Variants in VAT1L observed in about 807,000 individuals in gnomAD.
VAT1L encodes putative NADPH-dependent quinone oxidoreductase VAT1L.
In VAT1L, 34 loss-of-function variants were observed where a neutral mutation model predicts 44.1. The observed-to-expected ratio is 0.77, with a 90% CI of 0.59 to 1.03. The LOEUF is 1.03. VAT1L is among the 50% of genes least tolerant of loss of function. The probability of loss-of-function intolerance (pLI) is 0.00; values close to 1 mark genes in which losing one functional copy is unlikely to be tolerated. For synonymous variants in VAT1L, 253 were observed against 202.2 expected, an observed-to-expected ratio of 1.25 and a Z score of -2.13; for missense variants, 615 against 538.8, an observed-to-expected ratio of 1.14 and a Z score of -1.40.
intron 8 of VAT1L, among the ~76,000 whole-genome samples, chr16:77,972,980 C>T (rs380195): frequency 0.091 from 13,770 of 151,862 alleles, 708 homozygotes; most frequent in African/African-American, 0.11. Context: ...GCTACCACAC[C>T]CAGCTGTGAT....
chr16:77,978,319 A>G lies in VAT1L; in HGVS notation c.*624A>G, dbSNP rs405764. 0.17 allele frequency: 26,309 copies of G among 152,344 alleles called. 2,486 individuals are homozygous for G. The highest frequency in any genetic ancestry group is 0.2 in the Middle Eastern group (58 of 294). 9.4% of individuals were successfully genotyped at this position (152,344 alleles called of 1,614,324 possible). A position where few individuals can be genotyped will look rare whatever the true frequency, so the allele number is the denominator to read the frequency against. ...GACCCTTTCACTGGCTCTTATCTGT[A>G]AACACAGGGAGGCAGGTATGGATTT... On this transcript the variant is annotated 3_prime_UTR_variant, in exon 9 of 9. Transcript: ENST00000302536.
intron 7 of VAT1L, among the ~76,000 whole-genome samples, chr16:77,909,572 G>T (rs1469158825): frequency 6.7e-6 from 1 of 150,014 alleles, no homozygotes; most frequent in African/African-American, 2.5e-5. Flanking sequence ...AAGAGGCAGA[G>T]GTTGCAGTGA....
rs547000594 is a variant in VAT1L at position 77,902,240 on chromosome 16, G to C, written c.1077+17438G>C. 6.6e-5 allele frequency among the ~76,000 whole-genome samples: 10 copies of C among 152,326 alleles called. No individual in the cohort carries two copies. The East Asian group carries it at 1.7e-3, about 26-fold the overall frequency. ...TAGCCAAAAAGGAGCAGAAGGCCAT[G>C]GATGGAATAAGAAATGCATGGTAAT... is the stretch of plus-strand genomic sequence containing the variant. On this transcript the variant is annotated intron_variant, in intron 7 of 8. Transcript: ENST00000302536.
intron 3 of VAT1L, among the ~76,000 whole-genome samples, chr16:77,844,759 AG>A (rs1361535107): frequency 1.3e-5 from 2 of 152,188 alleles, no homozygotes; most frequent in Non-Finnish European, 2.9e-5. Context: ...GTATCTACAG[AG>A]GGCTCCTGGA....
intron 7 of VAT1L, among the ~76,000 whole-genome samples, chr16:77,947,231 G>A (rs10454707): frequency 2.6e-5 from 4 of 151,954 alleles, no homozygotes; most frequent in Admixed American, 2.0e-4. Context: ...AAGACCATCT[G>A]CTTCTAGTGC....
chr16:77,833,738 A>G (rs1179889019), intron 3 of VAT1L, among the ~76,000 whole-genome samples: 1 of 151,758 alleles, frequency 6.6e-6, no homozygotes, highest in Non-Finnish European at 1.5e-5. Context: ...TGACAAAGTG[A>G]GACTCTGTCT....
At chr16:77,821,977 C>G (rs2016460223) in intron 2 of VAT1L, among the ~76,000 whole-genome samples, 1 of 152,296 alleles carries the variant, frequency 6.6e-6, no homozygotes, top group South Asian at 2.1e-4. Flanking sequence ...CATGCACTTT[C>G]TCGTGTTTCC....
Position 77,979,537 on chromosome 16 carries a change from C to T in VAT1L, c.*1842C>T, listed in dbSNP as rs1303309337. The T allele has an allele frequency of 6.6e-6, 1 of 152,132 alleles. No homozygotes were observed. The highest frequency in any genetic ancestry group is 1.5e-5 in the Non-Finnish European group (1 of 68,020). The allele number at this position is 152,132 out of a possible 1,614,324, so 9.4% of individuals were successfully genotyped here. A position where few individuals can be genotyped will look rare whatever the true frequency, so the allele number is the denominator to read the frequency against. On this transcript the variant is annotated 3_prime_UTR_variant, in exon 9 of 9. Coordinates refer to ENST00000302536, the MANE Select transcript of VAT1L (RefSeq NM_020927.3). ...TTCCTAGTAAGTTGGGTAGAAATGA[C>T]ATTTTCCAGAGCTGAAGGAGTGAAG...
rs17773955 is a variant in VAT1L at position 77,796,258 on chromosome 16, C to G, written c.233+7343C>G. Among the ~76,000 whole-genome samples the G allele has an allele frequency of 5.9e-3, 899 of 152,252 alleles. 31 individuals carry two copies. Among genetic ancestry groups the G allele is most frequent in the East Asian group, 0.041 (214 of 5,182 alleles). On this transcript the variant is annotated intron_variant, in intron 1 of 8. Transcript: ENST00000302536. Reference sequence around the variant, plus strand: ...AACTATATAGGGACCAGTGAGAAACCAATGTCAGGTAGCTGATGATGGGCA... The same window carrying G: ...AACTATATAGGGACCAGTGAGAAACGAATGTCAGGTAGCTGATGATGGGCA...
intron 8 of VAT1L, among the ~76,000 whole-genome samples, chr16:77,976,160 C>T (rs563698172): frequency 1.8e-4 from 27 of 152,272 alleles, no homozygotes; most frequent in Admixed American, 1.6e-3. Flanking sequence ...AAGAAAACTG[C>T]AGAGACATGG....
chr16:77,925,448 G>A (rs768839415), intron 7 of VAT1L, among the ~76,000 whole-genome samples: 28 of 152,110 alleles, frequency 1.8e-4, no homozygotes, highest in Admixed American at 1.6e-3. Context: ...ATACCCCTTA[G>A]TGGAAAGGGT....
At chr16:77,973,327 C>G (rs980503519) in intron 8 of VAT1L, among the ~76,000 whole-genome samples, 3 of 152,254 alleles carry the variant, frequency 2.0e-5, no homozygotes, top group East Asian at 1.9e-4. Context: ...CTTTATCACC[C>G]AGGCTGGAGT....
chr16:77,976,023 C>T (rs1057319646), intron 8 of VAT1L, among the ~76,000 whole-genome samples: 1 of 152,202 alleles, frequency 6.6e-6, no homozygotes, highest in Non-Finnish European at 1.5e-5. Flanking sequence ...ATTAAAAGAA[C>T]CAATGTCTGC....
chr16:77,970,464 G>C (rs887974801), intron 7 of VAT1L, among the ~76,000 whole-genome samples: 1 of 152,128 alleles, frequency 6.6e-6, no homozygotes, highest in African/African-American at 2.4e-5. Flanking sequence ...AAATATGCAT[G>C]TCAGTTCTCA....
intron 7 of VAT1L, among the ~76,000 whole-genome samples, chr16:77,926,396 C>T (rs2017669460): frequency 6.6e-6 from 1 of 151,612 alleles, no homozygotes; most frequent in African/African-American, 2.4e-5. Context: ...CCAGCCTGGC[C>T]AACATGGTGA....
intron 4 of VAT1L, among the ~76,000 whole-genome samples, chr16:77,871,546 C>T (rs1248048498): frequency 6.6e-6 from 1 of 152,148 alleles, no homozygotes; most frequent in Non-Finnish European, 1.5e-5. Context: ...CTTTGATGCC[C>T]TTGCCTGGTT....
chr16:77,888,758 G>C (rs906824535), intron 7 of VAT1L, among the ~76,000 whole-genome samples: 2 of 152,204 alleles, frequency 1.3e-5, no homozygotes, highest in Non-Finnish European at 2.9e-5. Flanking sequence ...GGTGGGACAA[G>C]GGTAGGGGCA....
At chr16:77,892,824 G>T in intron 7 of VAT1L, 4 of 832,120 alleles carry the variant, frequency 4.8e-6, no homozygotes, top group South Asian at 2.6e-5. Flanking sequence ...GTGAAAGAAG[G>T]CATGAATATT....
At chr16:77,850,192 G>C (rs116201838) in intron 3 of VAT1L, among the ~76,000 whole-genome samples, 2 of 152,184 alleles carry the variant, frequency 1.3e-5, no homozygotes, top group Non-Finnish European at 2.9e-5. Context: ...TGTAGGAGAT[G>C]GGTAAAGACA....
Sources: allele counts gnomAD v4.1 joint callset (sites outside exome capture counted in the v4.1 genomes callset), GRCh38; gene constraint gnomAD v4.1.1; transcripts MANE v1.5; gene names NCBI Gene and HGNC (gene_info 2026-07-23, HGNC 2026-07-21).